Variants in TMPRSS6 observed in about 807,000 individuals in gnomAD.
The protein encoded by TMPRSS6 is transmembrane serine protease 6, also known as transmembrane protease serine 6.
TMPRSS6 carries 67 observed loss-of-function variants against 101.5 expected under a neutral mutation model. That is an observed-to-expected ratio of 0.66 (90% CI 0.54 to 0.81). The LOEUF (loss-of-function observed/expected upper bound fraction) is 0.81. Ranked by LOEUF, TMPRSS6 falls within the 30% of genes least tolerant of loss-of-function variation. The pLI, the probability that TMPRSS6 is intolerant of heterozygous loss-of-function variation, is 0.00. For missense variants in TMPRSS6, 1,034 were observed against 1,088.7 expected (o/e 0.95, Z 0.71); for synonymous variants, 453 against 464.9 (o/e 0.97, Z 0.33).
In TMPRSS6 at chr22:37,086,390, A is replaced by G. The variant is rs770941691; in HGVS notation, c.866T>C (p.Val289Ala). 7.5e-6 allele frequency: 12 copies of G among 1,603,748 alleles called. No homozygotes were observed. Among genetic ancestry groups the G allele is most frequent in the Non-Finnish European group, 1.0e-5 (12 of 1,175,308 alleles). ...GGCCCCCGACGCCAGAACCTCCACC[A>G]CGGGCTCCTGGCGGCTGCAGCCGTA... ...SVYGCSRQEP[V>A]VEVLASGAIM... The change falls in exon 8 of 18, where the codon GTG (valine) becomes GCG (alanine). Residue 289 changes from valine (V) to alanine (A), a missense_variant. Transcript: ENST00000676104.
intron 6 of TMPRSS6, among the ~76,000 whole-genome samples, chr22:37,094,523 C>G: frequency 8.1e-6 from 1 of 122,844 alleles, no homozygotes; most frequent in Middle Eastern, 4.1e-3. Context: ...GATAGACAAG[C>G]AGACAGATAT....
In TMPRSS6 at chr22:37,084,365, C is replaced by T. The variant is rs1165801760; in HGVS notation, c.1126G>A (p.Ala376Thr). 2.5e-6 allele frequency: 4 copies of T among 1,613,322 alleles called. No homozygotes were observed. The highest frequency in any genetic ancestry group is 3.4e-6 in the Non-Finnish European group (4 of 1,179,648). Reference protein sequence around the residue: ...LDYGLALWFDAYALRRQKYDL... With the variant: ...LDYGLALWFDTYALRRQKYDL... ...TACTTCTGCCTCCTCAGTGCATAGG[C>T]ATCAAACCAGAGGGCCAAGCCGTAG... The change falls in exon 10 of 18, where the codon GCC (alanine) becomes ACC (threonine). Residue 376 changes from alanine (A) to threonine (T), a missense_variant. Ala to Thr is a moderately conservative substitution (Grantham distance 58). Coordinates refer to ENST00000676104, the MANE Select transcript of TMPRSS6 (RefSeq NM_001374504.1).
At chr22:37,078,983 A>AAGAAAGAAAGAAAGAAAGAAAGAAAG (rs1928017330) in intron 10 of TMPRSS6, among the ~76,000 whole-genome samples, 2 of 146,352 alleles carry the variant, frequency 1.4e-5, no homozygotes, top group Admixed American at 6.6e-5. Flanking sequence ...AAAAGAAAGA[A>AAGAAAGAAAGAAAGAAAGAAAGAAAG]AGAAAGAAAG....
intron 6 of TMPRSS6, 101 bp downstream of exon 6, chr22:37,095,450 T>G (rs1038958214): frequency 2.0e-6 from 3 of 1,471,596 alleles, no homozygotes; most frequent in Admixed American, 3.6e-5. Flanking sequence ...CAGGGCTCCC[T>G]GCACACACAA....
In TMPRSS6 at chr22:37,069,449, G is replaced by A. The variant is rs1926687036; in HGVS notation, c.1842-105C>T. The A allele has an allele frequency of 8.8e-7, 1 of 1,142,760 alleles. No homozygotes were observed. The highest frequency in any genetic ancestry group is 1.2e-6 in the Non-Finnish European group (1 of 808,698). 70.8% of individuals were successfully genotyped at this position (1,142,760 alleles called of 1,614,324 possible). The stretch of plus-strand genomic sequence containing the variant: ...GATAGCCAGATCCCCGCCCGGGACA[G>A]TGCCCTCCACACCCAGCCCTCCCTT... On this transcript the variant is annotated intron_variant, in intron 15 of 17. Coordinates refer to ENST00000676104, the MANE Select transcript of TMPRSS6 (RefSeq NM_001374504.1). This position sits in a 1 kb window ranked among gnomAD's most constrained non-coding sequence, Gnocchi z 4.8.
intron 16 of TMPRSS6, among the ~76,000 whole-genome samples, chr22:37,067,582 G>A (rs1302197391): frequency 2.0e-5 from 3 of 151,960 alleles, no homozygotes; most frequent in Non-Finnish European, 4.4e-5. Context: ...CTGGCTCCTC[G>A]CTGCTCTGTT....
intron 10 of TMPRSS6, among the ~76,000 whole-genome samples, chr22:37,081,692 C>T (rs2543523): frequency 0.6 from 90,879 of 151,928 alleles, 27,936 homozygotes; most frequent in African/African-American, 0.72. Flanking sequence ...AGGCCTCATC[C>T]TCACCACCCA....
At position 37,069,610 on chromosome 22, in the gene TMPRSS6, A is replaced by T. The variant is rs1389397095; in HGVS notation, c.1842-266T>A. Among the ~76,000 whole-genome samples, 1 of 152,192 alleles carries T rather than the reference A, an allele frequency of 6.6e-6. No individual in the cohort carries two copies. Among genetic ancestry groups the T allele is most frequent in the African/African-American group, 2.4e-5 (1 of 41,452 alleles). On this transcript the variant is annotated intron_variant, in intron 15 of 17. Transcript: ENST00000676104. This position sits in a 1 kb window ranked among gnomAD's most constrained non-coding sequence, Gnocchi z 4.8. ...CTAAGCCTCTGCCACCTCATCTGCA[A>T]ATGGGAATGGCATTTTCTACTCGAA...
rs1056919975 is a variant in TMPRSS6 at position 37,084,054 on chromosome 22, T to C, written c.1196+241A>G. Reference sequence around the variant, plus strand: ...TAGAATAAACATCCAAGGTGTCTGATGACCAAACGTGTCTGAGACCTCTGG... The same window carrying C: ...TAGAATAAACATCCAAGGTGTCTGACGACCAAACGTGTCTGAGACCTCTGG... On this transcript the variant is annotated intron_variant, in intron 10 of 17. Transcript: ENST00000676104. 1.5e-5 allele frequency: 9 copies of C among 596,822 alleles called. No individual in the cohort carries two copies. In the Admixed American group the frequency reaches 2.1e-4, roughly 14 times the overall value. The allele number at this position is 596,822 out of a possible 1,614,324, so 37.0% of individuals were successfully genotyped here.
chr22:37,070,362 C>A, intron 15 of TMPRSS6, 122 bp downstream of exon 15: 3 of 1,298,654 alleles, frequency 2.3e-6, no homozygotes, highest in East Asian at 2.3e-5. Context: ...ATCACAGTAG[C>A]CTGTCTGGGG....
intron 13 of TMPRSS6, among the ~76,000 whole-genome samples, chr22:37,071,941 G>GTGCA (rs1568998619): frequency 1.9e-4 from 29 of 149,604 alleles, no homozygotes; most frequent in Non-Finnish European, 3.4e-4. Context: ...TGATGGATGG[G>GTGCA]TGGATGATGG....
chr22:37,075,160 G>A lies in TMPRSS6; in HGVS notation c.1317C>T (p.His439=). Residue 439 remains histidine, a synonymous_variant, in exon 11 of 18, where the codon CAC becomes CAT. Coordinates refer to ENST00000676104, the MANE Select transcript of TMPRSS6 (RefSeq NM_001374504.1). ...ISLTGPGVRV[H]YGLYNQSDPC... ...GGTCCGACTGGTTGTACAAGCCATA[G>A]TGCACCCGCACACCGGGCCCGGTGA... The A allele has an allele frequency of 6.2e-7, 1 of 1,614,064 alleles. No homozygotes were observed. The highest frequency in any genetic ancestry group is 8.5e-7 in the Non-Finnish European group (1 of 1,180,046).
At chr22:37,096,766 G>A in intron 3 of TMPRSS6, 51 bp from the exon 4 acceptor site, 1 of 1,535,186 alleles carries the variant, frequency 6.5e-7, no homozygotes, top group Non-Finnish European at 8.8e-7. Flanking sequence ...GGGCAGACAG[G>A]CCCACTTCCT....
chr22:37,108,081 C>T lies in TMPRSS6; in HGVS notation c.-2+1422G>A, dbSNP rs181397263. On this transcript the variant is annotated intron_variant, in intron 1 of 17. Transcript: ENST00000676104. ...CCTGCCTCCTTTTTTCCCACCCTCT[C>T]TTTTCCCCGTCGCACCCCAAGGACA... Among the ~76,000 whole-genome samples the T allele has an allele frequency of 1.3e-3, 194 of 152,322 alleles. 1 individual carries two copies. The highest frequency in any genetic ancestry group is 0.01 in the Middle Eastern group (3 of 294).
In TMPRSS6 at chr22:37,101,418, G is replaced by A. The variant is rs1283274356; in HGVS notation, c.202+1798C>T. Among the ~76,000 whole-genome samples the A allele has an allele frequency of 6.6e-6, 1 of 152,178 alleles. No individual in the cohort carries two copies. Among genetic ancestry groups the A allele is most frequent in the East Asian group, 1.9e-4 (1 of 5,178 alleles). ...AGGGTCCTGCTACCATCCTTAGGAA[G>A]CCAGCCACACCCTCTCCTCGGGCCA... On this transcript the variant is annotated intron_variant, in intron 2 of 17. Coordinates refer to ENST00000676104, the MANE Select transcript of TMPRSS6 (RefSeq NM_001374504.1). This position sits in a 1 kb window ranked among gnomAD's most constrained non-coding sequence, Gnocchi z 4.1.
intron 16 of TMPRSS6, chr22:37,068,792 G>A (rs1926572462): frequency 2.8e-6 from 2 of 715,718 alleles, no homozygotes; most frequent in Non-Finnish European, 5.1e-6. Flanking sequence ...AGCAGGTGGA[G>A]CTTGCACGTG....
chr22:37,084,878 G>T, intron 8 of TMPRSS6, 39 bp from the exon 9 acceptor site: 1 of 1,500,106 alleles, frequency 6.7e-7, no homozygotes, highest in Non-Finnish European at 9.1e-7. Context: ...GGGTCCCCTG[G>T]CTGCACCTCC....
Position 37,069,929 on chromosome 22 carries a change from G to A in TMPRSS6, c.1841+555C>T, listed in dbSNP as rs149150660. The stretch of plus-strand genomic sequence containing the variant: ...GAGCTAGGTGGTCAGAGCGCCCTGC[G>A]TCCCAGAGAGGATACAAAAGGGGAT... On this transcript the variant is annotated intron_variant, in intron 15 of 17. Coordinates refer to ENST00000676104, the MANE Select transcript of TMPRSS6 (RefSeq NM_001374504.1). This position sits in a 1 kb window ranked among gnomAD's most constrained non-coding sequence, Gnocchi z 4.8. Among the ~76,000 whole-genome samples the A allele has an allele frequency of 1.3e-5, 2 of 152,158 alleles. No individual in the cohort carries two copies. The highest frequency in any genetic ancestry group is 3.9e-4 in the East Asian group (2 of 5,178).
chr22:37,078,993 G>T (rs1244749971), intron 10 of TMPRSS6, among the ~76,000 whole-genome samples: 1 of 150,820 alleles, frequency 6.6e-6, no homozygotes. Flanking sequence ...AAGAAAGAAA[G>T]AAAGAAAGAA....
Sources: allele counts gnomAD v4.1 joint callset (sites outside exome capture counted in the v4.1 genomes callset), GRCh38; gene constraint gnomAD v4.1.1; non-coding constraint Gnocchi (gnomAD v3.1); transcripts MANE v1.5; gene names NCBI Gene and HGNC (gene_info 2026-07-23, HGNC 2026-07-21).